PCYT1A: variants seen among roughly 807,000 people sequenced by gnomAD.
The protein encoded by PCYT1A is phosphate cytidylyltransferase 1A, choline, also known as choline-phosphate cytidylyltransferase A.
Under a neutral mutation model 43.7 loss-of-function variants are expected in PCYT1A, and 25 were observed. The ratio of observed to expected loss-of-function variants is 0.57; its 90% CI spans 0.42 to 0.80. PCYT1A has a LOEUF of 0.80. PCYT1A is among the 30% of genes least tolerant of loss of function. The pLI is 0.00. For missense variants in PCYT1A, 421 were observed against 474.2 expected (o/e 0.89, Z 1.04); for synonymous variants, 172 against 170.7 (o/e 1.01, Z -0.06).
intron 3 of PCYT1A, among the ~76,000 whole-genome samples, chr3:196,249,564 G>C (rs1473921042): frequency 6.6e-6 from 1 of 152,018 alleles, no homozygotes; most frequent in African/African-American, 2.4e-5. Context: ...ATTTCCCGGG[G>C]AACAAGACTA....
chr3:196,246,719 G>A (rs922200501), intron 5 of PCYT1A, among the ~76,000 whole-genome samples: 5 of 152,218 alleles, frequency 3.3e-5, no homozygotes, highest in African/African-American at 1.2e-4. Flanking sequence ...TCCTGGTAAT[G>A]TGACCGTCTT....
Position 196,252,516 on chromosome 3 carries a change from C to T in PCYT1A, c.218-4193G>A, listed in dbSNP as rs528098669. ...TTGGCCTCCCGAAGTTCTGGGATTACGGGCGTGAGCCACCATGCCCAGCCC... is the reference window on the plus strand; with the variant it reads ...TTGGCCTCCCGAAGTTCTGGGATTATGGGCGTGAGCCACCATGCCCAGCCC... On this transcript the variant is annotated intron_variant, in intron 3 of 8. Transcript: ENST00000431016. This position sits in a 1 kb window ranked among gnomAD's most constrained non-coding sequence, Gnocchi z 4.0. Among the ~76,000 whole-genome samples the T allele has an allele frequency of 2.6e-5, 4 of 152,228 alleles. No individual in the cohort carries two copies. The highest frequency in any genetic ancestry group is 3.4e-3 in the Middle Eastern group (1 of 290).
intron 2 of PCYT1A, among the ~76,000 whole-genome samples, chr3:196,260,600 T>C (rs894050933): frequency 6.6e-6 from 1 of 152,152 alleles, no homozygotes; most frequent in Non-Finnish European, 1.5e-5. Flanking sequence ...CCCAGCACTT[T>C]GGGAGGCCGA....
At chr3:196,249,711 T>C (rs1724686810) in intron 3 of PCYT1A, among the ~76,000 whole-genome samples, 1 of 152,226 alleles carries the variant, frequency 6.6e-6, no homozygotes, top group Non-Finnish European at 1.5e-5. Context: ...CAGCAGAAAC[T>C]GACAGGAGCA....
chr3:196,259,262 G>C (rs1385468800), intron 2 of PCYT1A, among the ~76,000 whole-genome samples: 1 of 151,900 alleles, frequency 6.6e-6, no homozygotes, highest in African/African-American at 2.4e-5. Flanking sequence ...TTTTTAACTT[G>C]ATATAAGTCT....
chr3:196,257,980 T>A, intron 2 of PCYT1A, 93 bp from the exon 3 acceptor site: 4 of 708,902 alleles, frequency 5.6e-6, no homozygotes, highest in Non-Finnish European at 9.7e-6. Flanking sequence ...AGGAGATTGA[T>A]CTCTCTATTA....
chr3:196,239,489 T>C, intron 8 of PCYT1A, 58 bp downstream of exon 8: 1 of 1,129,146 alleles, frequency 8.9e-7, no homozygotes, highest in Non-Finnish European at 1.3e-6. Flanking sequence ...GCTCAATGAT[T>C]CTGTCATTCT....
At chr3:196,239,912 A>G (rs1286596105) in intron 7 of PCYT1A, 177 bp from the exon 8 acceptor site, 1 of 580,998 alleles carries the variant, frequency 1.7e-6, no homozygotes, top group East Asian at 2.8e-5. Context: ...CTGTGGATGC[A>G]CACACAAGAA....
intron 1 of PCYT1A, among the ~76,000 whole-genome samples, chr3:196,285,092 T>A (rs1294007405): frequency 6.6e-6 from 1 of 152,172 alleles, no homozygotes; most frequent in Non-Finnish European, 1.5e-5. Context: ...TAATACACTG[T>A]ACGATAAATT....
At position 196,247,246 on chromosome 3, in the gene PCYT1A, G is replaced by A. The variant is rs527912095; in HGVS notation, c.486+121C>T. On this transcript the variant is annotated intron_variant, in intron 5 of 8. Coordinates refer to ENST00000431016, the MANE Select transcript of PCYT1A (RefSeq NM_001312673.2). The surrounding 1 kb of genome is among the most constrained non-coding windows in gnomAD (Gnocchi z 4.8). The stretch of plus-strand genomic sequence containing the variant: ...TAGTAATATCACTGTCATCTCCTAC[G>A]AAACTTACATAAGAGGTAGAAGTAA... The A allele has an allele frequency of 1.0e-4, 103 of 1,002,366 alleles. No individual in the cohort carries two copies. The highest frequency in any genetic ancestry group is 1.4e-4 in the Non-Finnish European group (94 of 650,070). 62.1% of individuals were successfully genotyped at this position (1,002,366 alleles called of 1,614,324 possible).
intron 2 of PCYT1A, among the ~76,000 whole-genome samples, chr3:196,262,567 CA>C (rs1311855562): frequency 6.6e-6 from 1 of 152,110 alleles, no homozygotes; most frequent in African/African-American, 2.4e-5. Flanking sequence ...TAATGGAAAT[CA>C]ACAGTCCCCA....
At chr3:196,244,426 T>G in intron 5 of PCYT1A, among the ~76,000 whole-genome samples, 1 of 144,952 alleles carries the variant, frequency 6.9e-6, no homozygotes, top group East Asian at 2.0e-4. Flanking sequence ...CCGCCCCGTT[T>G]GGGATGTGAG....
chr3:196,245,071 A>G (rs929066585), intron 5 of PCYT1A, among the ~76,000 whole-genome samples: 11 of 147,098 alleles, frequency 7.5e-5, no homozygotes, highest in African/African-American at 2.8e-4. Context: ...TGCGAGAAAC[A>G]CCCAAGAATG....
chr3:196,244,441 T>G (rs1295075960), intron 5 of PCYT1A, among the ~76,000 whole-genome samples: 42 of 109,954 alleles, frequency 3.8e-4, no homozygotes, highest in African/African-American at 8.6e-4. Flanking sequence ...TGTGAGGAGC[T>G]CCTCTGCCCG....
intron 5 of PCYT1A, among the ~76,000 whole-genome samples, chr3:196,244,455 G>A (rs1327527113): frequency 1.4e-5 from 2 of 146,156 alleles, no homozygotes; most frequent in Non-Finnish European, 3.0e-5. Context: ...CTGCCCGGCC[G>A]CGACCCGGTC....
intron 3 of PCYT1A, among the ~76,000 whole-genome samples, chr3:196,257,585 T>C (rs1724986230): frequency 6.6e-6 from 1 of 152,050 alleles, no homozygotes; most frequent in South Asian, 2.1e-4. Context: ...AACAGGTGCA[T>C]AATAATAAGA....
At chr3:196,261,719 T>A (rs1560171435) in intron 2 of PCYT1A, among the ~76,000 whole-genome samples, 1 of 150,126 alleles carries the variant, frequency 6.7e-6, no homozygotes, top group Admixed American at 6.7e-5. Flanking sequence ...GAACTCGGGA[T>A]GCGGAGGTTG....
rs1221859481 is a variant in PCYT1A at position 196,237,543 on chromosome 3, G to A, written c.*1145C>T. On this transcript the variant is annotated 3_prime_UTR_variant, in exon 9 of 9. Transcript: ENST00000431016. ...GCAGCTCTCAGAGGAAAAGAAAGATGTGGAGCACTGGTTCCAGGGAAGAAT... is the reference window on the plus strand; with the variant it reads ...GCAGCTCTCAGAGGAAAAGAAAGATATGGAGCACTGGTTCCAGGGAAGAAT... 3 of 152,330 alleles carry A rather than the reference G, an allele frequency of 2.0e-5. No homozygotes were observed. Among genetic ancestry groups the A allele is most frequent in the African/African-American group, 7.2e-5 (3 of 41,452 alleles). The allele number at this position is 152,330 out of a possible 1,614,324, so 9.4% of individuals were successfully genotyped here. A position where few individuals can be genotyped will look rare whatever the true frequency, so the allele number is the denominator to read the frequency against.
chr3:196,266,080 C>T (rs1244617037), intron 2 of PCYT1A, among the ~76,000 whole-genome samples: 1 of 151,642 alleles, frequency 6.6e-6, no homozygotes, highest in African/African-American at 2.4e-5. Context: ...CTAATGAGCT[C>T]TAGGCTATAG....
Sources: gnomAD v4.1 joint callset for allele counts (sites outside exome capture counted in the v4.1 genomes callset) on GRCh38, gnomAD v4.1.1 for gene constraint, Gnocchi (gnomAD v3.1) non-coding constraint, MANE v1.5 for transcripts, NCBI Gene and HGNC (gene_info 2026-07-23, HGNC 2026-07-21) for gene names.